Variants in C8orf89 observed in about 807,000 individuals in gnomAD.
The protein encoded by C8orf89 is putative uncharacterized protein C8orf89.
C8orf89 carries 14 observed loss-of-function variants against 15.8 expected under a neutral mutation model. The observed-to-expected ratio is 0.89, with a 90% CI of 0.59 to 1.39. C8orf89 has a LOEUF of 1.39. Among genes scored for constraint, C8orf89 ranks in the 40% most tolerant of loss-of-function variants. C8orf89 has a pLI of 0.00. For missense variants in C8orf89, 181 were observed against 184.5 expected (o/e 0.98, Z 0.11); for synonymous variants, 55 against 62.2 (o/e 0.88, Z 0.54).
At chr8:73,258,004 C>T (rs1263961680) in intron 1 of C8orf89, among the ~76,000 whole-genome samples, 1 of 152,078 alleles carries the variant, frequency 6.6e-6, no homozygotes, top group Non-Finnish European at 1.5e-5. Flanking sequence ...GGTGGATAAA[C>T]TGCTGTCTGA....
At chr8:73,275,543 A>C in the C8orf89 span, among the ~76,000 whole-genome samples, 1 of 152,234 alleles carries the variant, frequency 6.6e-6, no homozygotes, top group African/African-American at 2.4e-5. Context: ...CTGCCAATTA[A>C]GCTATTTTAA....
the C8orf89 span, among the ~76,000 whole-genome samples, chr8:73,282,263 CA>C: frequency 5.9e-5 from 9 of 152,130 alleles, no homozygotes; most frequent in African/African-American, 2.2e-4. Context: ...GAAGAAAAAA[CA>C]GTAGCCACTT....
chr8:73,256,750 G>A lies in C8orf89; in HGVS notation c.281+223C>T, dbSNP rs1218109641. 5.5e-3 allele frequency among the ~76,000 whole-genome samples: 453 copies of A among 81,786 alleles called. 1 individual carries two copies. Among genetic ancestry groups the A allele is most frequent in the Middle Eastern group, 9.1e-3 (1 of 110 alleles). The allele number at this position is 81,786 out of a possible 152,430, so 53.7% of individuals were successfully genotyped here. A position where few individuals can be genotyped will look rare whatever the true frequency, so the allele number is the denominator to read the frequency against. On this transcript the variant is annotated intron_variant, in intron 2 of 3. Coordinates refer to ENST00000624510, the MANE Select transcript of C8orf89 (RefSeq NM_001243237.3). ...TCAAAAAAAAAAAAAAAAAAAAAAA[G>A]CCCTTAAATCTTTTCTGGTAACATC...
the C8orf89 span, among the ~76,000 whole-genome samples, chr8:73,267,692 A>G: frequency 6.6e-6 from 1 of 152,342 alleles, no homozygotes; most frequent in Non-Finnish European, 1.5e-5. Context: ...TAGGCTATAT[A>G]GTATCTAGTT....
chr8:73,262,816 CAAA>C (rs33942390), upstream of C8orf89, among the ~76,000 whole-genome samples: 2 of 134,240 alleles, frequency 1.5e-5, no homozygotes, highest in Non-Finnish European at 1.6e-5. Flanking sequence ...GATCCTGGCT[CAAA>C]AAAAAAAAAA....
At chr8:73,284,031 A>G in the C8orf89 span, among the ~76,000 whole-genome samples, 1 of 151,416 alleles carries the variant, frequency 6.6e-6, no homozygotes. Context: ...AACAAGAACG[A>G]AACTCTGTCT....
chr8:73,260,962 T>C (rs1431019376), upstream of C8orf89, among the ~76,000 whole-genome samples: 2 of 152,192 alleles, frequency 1.3e-5, no homozygotes, highest in Admixed American at 6.5e-5. Context: ...TTGAGTCTTC[T>C]GGCCTTCATC....
the C8orf89 span, among the ~76,000 whole-genome samples, chr8:73,285,918 C>T: frequency 6.6e-6 from 1 of 151,950 alleles, no homozygotes; most frequent in Non-Finnish European, 1.5e-5. Context: ...CGGCGTCTCC[C>T]GAGGCTGCAG....
chr8:73,273,773 A>G, the C8orf89 span, among the ~76,000 whole-genome samples: 26 of 150,126 alleles, frequency 1.7e-4, no homozygotes, highest in Middle Eastern at 3.5e-3. Flanking sequence ...TCTGAAAGAT[A>G]CTTCAAACTT....
At chr8:73,268,507 T>C in the C8orf89 span, among the ~76,000 whole-genome samples, 68 of 151,958 alleles carry the variant, frequency 4.5e-4, no homozygotes, top group East Asian at 0.013. Context: ...AAAAGAAACA[T>C]AGCAAACAAT....
chr8:73,277,734 C>G, the C8orf89 span: 1 of 747,172 alleles, frequency 1.3e-6, no homozygotes. Context: ...GGACACCCAG[C>G]TCGTCCACAT....
chr8:73,264,493 G>A (rs752836792), upstream of C8orf89, among the ~76,000 whole-genome samples: 5 of 151,998 alleles, frequency 3.3e-5, no homozygotes, highest in Non-Finnish European at 7.4e-5. Context: ...CATTGACAAA[G>A]TGATCTCTTT....
the C8orf89 span, among the ~76,000 whole-genome samples, chr8:73,284,333 C>G: frequency 6.6e-6 from 1 of 150,862 alleles, no homozygotes; most frequent in African/African-American, 2.4e-5. Context: ...CCTGCCTCAG[C>G]CTCCTGAGTA....
At chr8:73,272,602 C>G in the C8orf89 span, among the ~76,000 whole-genome samples, 2 of 151,818 alleles carry the variant, frequency 1.3e-5, no homozygotes, top group African/African-American at 2.4e-5. Context: ...TATCCCTCCC[C>G]CCTCTCCCCA....
chr8:73,284,111 A>C, the C8orf89 span, among the ~76,000 whole-genome samples: 50 of 151,854 alleles, frequency 3.3e-4, 3 homozygotes, highest in Non-Finnish European at 1.3e-4. Context: ...AATTGAAACC[A>C]ATCTCAATGA....
intron 1 of C8orf89, among the ~76,000 whole-genome samples, chr8:73,257,821 G>T (rs1169818872): frequency 6.6e-6 from 1 of 152,182 alleles, no homozygotes; most frequent in African/African-American, 2.4e-5. Flanking sequence ...TCTCTACAAA[G>T]CAAGTGTAGC....
intron 3 of C8orf89, among the ~76,000 whole-genome samples, chr8:73,248,915 A>G (rs1813186764): frequency 6.6e-6 from 1 of 152,120 alleles, no homozygotes; most frequent in Non-Finnish European, 1.5e-5. Context: ...CTCTCTTCCT[A>G]TTGGAATGCA....
At chr8:73,242,027 A>C (rs1813018251) in intron 3 of C8orf89, among the ~76,000 whole-genome samples, 1 of 152,200 alleles carries the variant, frequency 6.6e-6, no homozygotes, top group Non-Finnish European at 1.5e-5. Flanking sequence ...TAAGACCTCA[A>C]ACTATGAATA....
At chr8:73,260,373 C>A (rs1018327582), upstream of C8orf89, among the ~76,000 whole-genome samples, 8 of 151,534 alleles carry the variant, frequency 5.3e-5, no homozygotes, top group Non-Finnish European at 8.8e-5. Context: ...AACATCACAC[C>A]CTGGGGCCTG....
Sources: gnomAD v4.1 joint callset for allele counts (sites outside exome capture counted in the v4.1 genomes callset) on GRCh38, gnomAD v4.1.1 for gene constraint, MANE v1.5 for transcripts, NCBI Gene and HGNC (gene_info 2026-07-23, HGNC 2026-07-21) for gene names.